MBD2: variants seen among roughly 807,000 people sequenced by gnomAD.
MBD2 encodes methyl-CpG-binding domain protein 2.
A neutral mutation model predicts 39.3 loss-of-function variants in MBD2; 9 were observed. The observed-to-expected ratio is 0.23, with a 90% CI of 0.14 to 0.40. The LOEUF (loss-of-function observed/expected upper bound fraction) is 0.40, where lower values mean the gene tolerates loss of function less well. MBD2 is among the 10% of genes least tolerant of loss of function. The pLI is 1.00. For synonymous variants in MBD2, 233 were observed against 211.1 expected, an observed-to-expected ratio of 1.10 and a Z score of -0.90; for missense variants, 458 against 532.6, an observed-to-expected ratio of 0.86 and a Z score of 1.38.
intron 5 of MBD2, among the ~76,000 whole-genome samples, chr18:54,161,629 C>A (rs184612189): frequency 1.3e-5 from 2 of 152,338 alleles, no homozygotes; most frequent in East Asian, 3.9e-4. Context: ...ATCTTAAACT[C>A]TAACATTTGC....
intron 3 of MBD2, among the ~76,000 whole-genome samples, chr18:54,171,194 G>A (rs1352785804): frequency 6.6e-6 from 1 of 152,054 alleles, no homozygotes; most frequent in African/African-American, 2.4e-5. Flanking sequence ...CTGAGGTCAG[G>A]AGTTCGAGAC....
chr18:54,193,283 GT>G (rs2086336579), intron 2 of MBD2, among the ~76,000 whole-genome samples: 1 of 152,160 alleles, frequency 6.6e-6, no homozygotes, highest in Non-Finnish European at 1.5e-5. Flanking sequence ...GATTAAAGCT[GT>G]TTATGTATAT....
chr18:54,218,650 T>C lies in MBD2; in HGVS notation c.542+5368A>G, dbSNP rs188615289. Among the ~76,000 whole-genome samples, 3 of 152,280 alleles carry C rather than the reference T, an allele frequency of 2.0e-5. No individual in the cohort carries two copies. The East Asian group carries it at 5.8e-4, about 29-fold the overall frequency. ...TGTAAAATGGAGATAACTGTACCTG[T>C]TTCATAGGGTTATAAGAATCCAGTA... is the stretch of plus-strand genomic sequence containing the variant. On this transcript the variant is annotated intron_variant, in intron 1 of 6. Coordinates refer to ENST00000256429, the MANE Select transcript of MBD2 (RefSeq NM_003927.5).
intron 6 of MBD2, among the ~76,000 whole-genome samples, chr18:54,158,094 A>G (rs1263498405): frequency 6.6e-6 from 1 of 152,122 alleles, no homozygotes; most frequent in Non-Finnish European, 1.5e-5. Context: ...CTGACTCTTC[A>G]GTGATTCCTG....
chr18:54,181,711 G>A (rs1333010378), intron 3 of MBD2, among the ~76,000 whole-genome samples: 1 of 151,930 alleles, frequency 6.6e-6, no homozygotes, highest in Non-Finnish European at 1.5e-5. Context: ...ATCTTGGCCA[G>A]GCTGGTCTTG....
rs544844005 is a variant in MBD2 at position 54,151,870 on chromosome 18, A to G, written c.*3454T>C. The G allele has an allele frequency of 1.8e-3, 263 of 149,670 alleles. 1 individual carries two copies. Among genetic ancestry groups the G allele is most frequent in the African/African-American group, 6.2e-3 (253 of 40,992 alleles). 9.3% of individuals were successfully genotyped at this position (149,670 alleles called of 1,614,324 possible). ...AAACACCCTGGAAGCCACCAAGGGCATTTCTTTCCTTTATAATACATACAG... is the reference window on the plus strand; with the variant it reads ...AAACACCCTGGAAGCCACCAAGGGCGTTTCTTTCCTTTATAATACATACAG... On this transcript the variant is annotated 3_prime_UTR_variant, in exon 7 of 7. Transcript: ENST00000256429.
chr18:54,167,230 T>C (rs1165663437), intron 3 of MBD2, among the ~76,000 whole-genome samples: 1 of 152,218 alleles, frequency 6.6e-6, no homozygotes, highest in African/African-American at 2.4e-5. Context: ...GGACTCAGCG[T>C]GAGGATCTGG....
At chr18:54,210,093 CA>C (rs1427468210) in intron 1 of MBD2, among the ~76,000 whole-genome samples, 10 of 151,410 alleles carry the variant, frequency 6.6e-5, no homozygotes, top group Non-Finnish European at 1.3e-4. Flanking sequence ...CTTTCAACCA[CA>C]AAAAAAAATT....
At chr18:54,176,001 C>T (rs572342000) in intron 3 of MBD2, among the ~76,000 whole-genome samples, 17 of 152,060 alleles carry the variant, frequency 1.1e-4, no homozygotes, top group Non-Finnish European at 2.4e-4. Context: ...ATGTGATATA[C>T]TTTTTAAAGT....
chr18:54,223,735 C>T (rs2086634205), intron 1 of MBD2, among the ~76,000 whole-genome samples: 1 of 152,198 alleles, frequency 6.6e-6, no homozygotes, highest in Non-Finnish European at 1.5e-5. Flanking sequence ...TTTAACCCTT[C>T]AGTGGACTAA....
chr18:54,197,594 CACTT>C (rs2086376200), intron 2 of MBD2, among the ~76,000 whole-genome samples: 2 of 152,190 alleles, frequency 1.3e-5, no homozygotes, highest in Admixed American at 6.5e-5. Context: ...TCTATCTACC[CACTT>C]AATCTAAAAA....
rs2086134386 is a variant in MBD2, at chr18:54,166,576, A to C, written c.841-410T>G. On this transcript the variant is annotated intron_variant, in intron 3 of 6. Transcript: ENST00000256429. ...TTATCCCCCTTTATCCAATATCATT[A>C]GAGAAAGAGCTACTCCAATATGGGA... 2.0e-5 allele frequency among the ~76,000 whole-genome samples: 3 copies of C among 152,268 alleles called. 1 individual carries two copies. In the South Asian group the frequency reaches 6.2e-4, roughly 31 times the overall value.
At chr18:54,217,960 C>G (rs908033799) in intron 1 of MBD2, among the ~76,000 whole-genome samples, 28 of 152,180 alleles carry the variant, frequency 1.8e-4, no homozygotes, top group Admixed American at 1.8e-3. Context: ...GAAGATATAT[C>G]AGAGCACAAT....
At position 54,215,486 on chromosome 18, in the gene MBD2, T is replaced by C. The variant is rs1018311356; in HGVS notation, c.542+8532A>G. Among the ~76,000 whole-genome samples the C allele has an allele frequency of 4.6e-5, 7 of 150,874 alleles. 1 individual carries two copies. The highest frequency in any genetic ancestry group is 7.4e-5 in the African/African-American group (3 of 40,788). The stretch of plus-strand genomic sequence containing the variant: ...ATGATACAAAAGCAATTTCTGAGGA[T>C]AGATTTTTTTTTTTTTTTTTTTGAG... On this transcript the variant is annotated intron_variant, in intron 1 of 6. Transcript: ENST00000256429.
chr18:54,163,723 AC>A (rs1254578817), intron 5 of MBD2, among the ~76,000 whole-genome samples: 2 of 152,056 alleles, frequency 1.3e-5, no homozygotes, highest in Admixed American at 1.3e-4. Context: ...TTATTGCTTT[AC>A]CTGTGGCTTC....
chr18:54,194,284 T>A (rs2086346827), intron 2 of MBD2, among the ~76,000 whole-genome samples: 2 of 152,080 alleles, frequency 1.3e-5, no homozygotes, highest in African/African-American at 4.8e-5. Flanking sequence ...ATTACCTACA[T>A]TACCTATTTA....
intron 3 of MBD2, among the ~76,000 whole-genome samples, chr18:54,187,366 C>T (rs920092723): frequency 6.6e-6 from 1 of 152,146 alleles, no homozygotes; most frequent in East Asian, 1.9e-4. Flanking sequence ...CAATTATATA[C>T]TTTCAAAATT....
At chr18:54,184,226 A>G (rs2086268959) in intron 3 of MBD2, among the ~76,000 whole-genome samples, 1 of 151,956 alleles carries the variant, frequency 6.6e-6, no homozygotes, top group Non-Finnish European at 1.5e-5. Context: ...GCCTGTTGGG[A>G]GCTGGGCGGC....
At chr18:54,171,979 G>T (rs1281440244) in intron 3 of MBD2, among the ~76,000 whole-genome samples, 4 of 152,158 alleles carry the variant, frequency 2.6e-5, no homozygotes, top group Admixed American at 6.5e-5. Flanking sequence ...CTCTTGTTAG[G>T]TTATATAGTA....
Sources: gnomAD v4.1 joint callset for allele counts (sites outside exome capture counted in the v4.1 genomes callset) on GRCh38, gnomAD v4.1.1 for gene constraint, MANE v1.5 for transcripts, NCBI Gene and HGNC (gene_info 2026-07-23, HGNC 2026-07-21) for gene names.